The following ID3 variants were observed in gnomAD, a reference collection of about 807,000 sequenced individuals.
The protein encoded by ID3 is DNA-binding protein inhibitor ID-3.
Under a neutral mutation model 9.6 loss-of-function variants are expected in ID3, and 4 were observed. That is an observed-to-expected ratio of 0.42 (90% CI 0.21 to 0.96). The LOEUF (loss-of-function observed/expected upper bound fraction) is 0.96. ID3 is among the 40% of genes least tolerant of loss of function. ID3 has a pLI of 0.30. For missense variants in ID3, 191 were observed against 164.5 expected (o/e 1.16, Z -0.88); for synonymous variants, 108 against 75.2 (o/e 1.44, Z -2.26).
In ID3 at chr1:23,559,373, C is replaced by G; in HGVS notation, c.54G>C (p.Ser18=). 1 of 1,613,238 alleles carries G rather than the reference C, an allele frequency of 6.2e-7. No homozygotes were observed. The highest frequency in any genetic ancestry group is 8.5e-7 in the Non-Finnish European group (1 of 1,180,018). ...RGCYEAVCCL[S]ERSLAIARGR... Reference sequence around the variant, plus strand: ...CCCGGGCGATGGCCAGACTGCGTTCCGACAGGCAGCACACCGCCTCGTAGC... The same window carrying G: ...CCCGGGCGATGGCCAGACTGCGTTCGGACAGGCAGCACACCGCCTCGTAGC... The change falls in exon 1 of 3, where the codon TCG becomes TCC. Residue 18 remains serine (S), a synonymous_variant. Transcript: ENST00000374561.
At position 23,558,013 on chromosome 1, in the gene ID3, C is replaced by T. The variant is rs1003835663; in HGVS notation, c.*428G>A. The T allele has an allele frequency of 2.0e-5, 3 of 152,566 alleles. No individual in the cohort carries two copies. The highest frequency in any genetic ancestry group is 3.8e-4 in the East Asian group (2 of 5,204). The allele number at this position is 152,566 out of a possible 1,614,324, so 9.5% of individuals were successfully genotyped here. A position where few individuals can be genotyped will look rare whatever the true frequency, so the allele number is the denominator to read the frequency against. On this transcript the variant is annotated 3_prime_UTR_variant, in exon 3 of 3. Transcript: ENST00000374561. ...ACATCGCATTGTTACAGAAAGTCAC[C>T]TTCCTGTAAAAAAGGTACAAAACCT...
chr1:23,557,981 T>C lies in ID3; in HGVS notation c.*460A>G. 6.6e-6 allele frequency: 1 copy of C among 152,616 alleles called. No individual in the cohort carries two copies. 9.5% of individuals were successfully genotyped at this position (152,616 alleles called of 1,614,324 possible). A position where few individuals can be genotyped will look rare whatever the true frequency, so the allele number is the denominator to read the frequency against. On this transcript the variant is annotated 3_prime_UTR_variant, in exon 3 of 3. Coordinates refer to ENST00000374561, the MANE Select transcript of ID3 (RefSeq NM_002167.5). Reference sequence around the variant, plus strand: ...CAAAATGTTAACTTTTATAAAAAGTTTAATATACATCGCATTGTTACAGAA... The same window carrying C: ...CAAAATGTTAACTTTTATAAAAAGTCTAATATACATCGCATTGTTACAGAA...
At chr1:23,558,622 C>T (rs1643678123) in intron 2 of ID3, 1 of 248,932 alleles carries the variant, frequency 4.0e-6, no homozygotes, top group Admixed American at 4.9e-5. Context: ...GGAATTGACA[C>T]TAGCTGGGAG....
chr1:23,559,334 G>A lies in ID3; in HGVS notation c.93C>T (p.Gly31=). ...AGCTCAGCGGCTCCTCAGCTGCCGG[G>A]CCCTTCCCTCGGCCCCGGGCGATGG... ...SLAIARGRGK[G]PAAEEPLSLL... is the part of the protein sequence containing the mutation. Residue 31 remains glycine (G), a synonymous_variant, in exon 1 of 3, where the codon GGC becomes GGT. Transcript: ENST00000374561. 6.2e-7 allele frequency: 1 copy of A among 1,613,598 alleles called. No homozygotes were observed. The highest frequency in any genetic ancestry group is 8.5e-7 in the Non-Finnish European group (1 of 1,180,028).
At chr1:23,559,070 A>G in intron 1 of ID3, 51 bp from the exon 2 acceptor site, 1 of 1,611,066 alleles carries the variant, frequency 6.2e-7, no homozygotes, top group Non-Finnish European at 8.5e-7. Flanking sequence ...GGGAGCTCCG[A>G]GGGTCCCGCA....
intron 2 of ID3, 60 bp downstream of exon 2, chr1:23,558,875 C>T (rs1440065941): frequency 1.2e-5 from 14 of 1,185,626 alleles, no homozygotes; most frequent in East Asian, 2.5e-5. Context: ...TTTTTCAAAA[C>T]GTCTGCCAAC....
intron 2 of ID3, 182 bp downstream of exon 2, chr1:23,558,753 A>G: frequency 1.7e-6 from 1 of 588,892 alleles, no homozygotes; most frequent in Non-Finnish European, 3.0e-6. Context: ...GGCGCATTTA[A>G]GGCTTAAATG....
Position 23,559,265 on chromosome 1 carries a change from C to T in ID3, c.162G>A (p.Leu54=), listed in dbSNP as rs1429005359. The part of the protein sequence containing the change: ...MNHCYSRLRE[L]VPGVPRGTQL... ...GAGTGCCTCTCGGGACTCCGGGTAC[C>T]AGTTCCCGCAGGCGGGAGTAGCAGT... Residue 54 remains leucine, a synonymous_variant, in exon 1 of 3, where the codon CTG becomes CTA. Coordinates refer to ENST00000374561, the MANE Select transcript of ID3 (RefSeq NM_002167.5). 2 of 1,614,176 alleles carry T rather than the reference C, an allele frequency of 1.2e-6. No homozygotes were observed.
At position 23,558,308 on chromosome 1, in the gene ID3, T is replaced by C. The variant is rs1643672051; in HGVS notation, c.*133A>G. The C allele has an allele frequency of 6.6e-6, 1 of 152,616 alleles. No individual in the cohort carries two copies. Among genetic ancestry groups the C allele is most frequent in the Non-Finnish European group, 1.5e-5 (1 of 68,348 alleles). The allele number at this position is 152,616 out of a possible 1,614,324, so 9.5% of individuals were successfully genotyped here. Reference sequence around the variant, plus strand: ...CAGGTTTAGTCTCCAGGAAGGGATTTGGTGAAGTCAAGTGGGCAGGGCGAA... The same window carrying C: ...CAGGTTTAGTCTCCAGGAAGGGATTCGGTGAAGTCAAGTGGGCAGGGCGAA... On this transcript the variant is annotated 3_prime_UTR_variant, in exon 3 of 3. Coordinates refer to ENST00000374561, the MANE Select transcript of ID3 (RefSeq NM_002167.5).
rs374295425 is a variant in ID3 at position 23,559,030 on chromosome 1, G to A, written c.301-11C>T. The stretch of plus-strand genomic sequence containing the variant: ...AGTGAGCTCGGCTGTCTGATTAGAG[G>A]AAAAGAGGGAAGAGTTACGCGAGGC... On this transcript the variant is annotated splice_polypyrimidine_tract_variant and intron_variant, in intron 1 of 2. Transcript: ENST00000374561. The A allele has an allele frequency of 4.3e-5, 69 of 1,613,794 alleles. No individual in the cohort carries two copies. The East Asian group carries it at 9.6e-4, about 22-fold the overall frequency.
rs762868066 is a variant in ID3, at chr1:23,559,442, C to G, written c.-16G>C. 12 of 1,603,300 alleles carry G rather than the reference C, an allele frequency of 7.5e-6. No homozygotes were observed. Among genetic ancestry groups the G allele is most frequent in the Non-Finnish European group, 1.0e-5 (12 of 1,173,848 alleles). ...GCGCCTTCATGCTGGGGAGTGAGTC[C>G]AGAGGTGCCCCAAAGAGAAAGAAAA... On this transcript the variant is annotated 5_prime_UTR_variant, in exon 1 of 3. Transcript: ENST00000374561.
Sources: allele counts gnomAD v4.1 joint callset, GRCh38; gene constraint gnomAD v4.1.1; transcripts MANE v1.5; gene names NCBI Gene and HGNC (gene_info 2026-07-23, HGNC 2026-07-21).